The following ABTB2 variants were observed in gnomAD, a reference collection of about 807,000 sequenced individuals.
ABTB2 encodes the protein ankyrin repeat and BTB/POZ domain-containing protein 2.
In ABTB2, 56 loss-of-function variants were observed where a neutral mutation model predicts 104.1. That is an observed-to-expected ratio of 0.54 (90% CI 0.43 to 0.67). ABTB2 has a LOEUF of 0.67. Among genes scored for constraint, ABTB2 ranks in the 30% least tolerant of loss-of-function variants. ABTB2 has a pLI of 0.00. For synonymous variants in ABTB2, 606 were observed against 608.2 expected (o/e 1.00, Z 0.05); for missense variants, 1,279 against 1,407.7 (o/e 0.91, Z 1.46).
intron 1 of ABTB2, among the ~76,000 whole-genome samples, chr11:34,323,266 G>T (rs915676995): frequency 6.6e-6 from 1 of 152,158 alleles, no homozygotes; most frequent in Non-Finnish European, 1.5e-5. Context: ...ATGTCATGAT[G>T]TCTGGGATTT....
chr11:34,330,984 A>G (rs1427921644), intron 1 of ABTB2, among the ~76,000 whole-genome samples: 1 of 152,194 alleles, frequency 6.6e-6, no homozygotes, highest in Non-Finnish European at 1.5e-5. Flanking sequence ...ATGAATGAGA[A>G]ATTTCAGTTG....
At chr11:34,348,032 T>C (rs551862542) in intron 1 of ABTB2, among the ~76,000 whole-genome samples, 18 of 152,362 alleles carry the variant, frequency 1.2e-4, no homozygotes, top group African/African-American at 4.3e-4. Context: ...TGCTTTGGCC[T>C]GTAATGCTAC....
intron 1 of ABTB2, among the ~76,000 whole-genome samples, chr11:34,309,211 T>C (rs1438361911): frequency 2.6e-5 from 4 of 152,236 alleles, no homozygotes. Context: ...CACTGTCAGT[T>C]GATACCATTG....
chr11:34,342,482 A>T (rs1442892488), intron 1 of ABTB2, among the ~76,000 whole-genome samples: 2 of 152,178 alleles, frequency 1.3e-5, no homozygotes, highest in African/African-American at 4.8e-5. Flanking sequence ...CCACAGGGCA[A>T]ATGAGGACTT....
In ABTB2 at chr11:34,251,974, C is replaced by T. The variant is rs532754270; in HGVS notation, c.884-47284G>A. 1.3e-4 allele frequency among the ~76,000 whole-genome samples: 20 copies of T among 152,328 alleles called. No individual in the cohort carries two copies. In the South Asian group the frequency reaches 1.4e-3, roughly 11 times the overall value. ...TCACCCAGTCCCATCCTGGGAGTCA[C>T]AGTGTTTAGGGCACTCAGGGATCTA... On this transcript the variant is annotated intron_variant, in intron 1 of 16. Coordinates refer to ENST00000435224, the MANE Select transcript of ABTB2 (RefSeq NM_145804.3).
At chr11:34,289,989 T>C (rs550078508) in intron 1 of ABTB2, among the ~76,000 whole-genome samples, 1 of 152,372 alleles carries the variant, frequency 6.6e-6, no homozygotes, top group South Asian at 2.1e-4. Context: ...AGTTGTCTTC[T>C]ACAATTTCCA....
chr11:34,154,656 C>G lies in ABTB2; in HGVS notation c.2766+45G>C, dbSNP rs539227643. 16 of 1,601,326 alleles carry G rather than the reference C, an allele frequency of 1.0e-5. No homozygotes were observed. The East Asian group carries it at 3.6e-4, about 36-fold the overall frequency. On this transcript the variant is annotated intron_variant, in intron 15 of 16. Transcript: ENST00000435224. This position sits in a 1 kb window ranked among gnomAD's most constrained non-coding sequence, Gnocchi z 4.9. ...AGGGGGTGAATGGGAGACCGAGCCG[C>G]TGGGCACCCTAGCCCAGGCCCCCTC...
chr11:34,293,557 T>A lies in ABTB2; in HGVS notation c.883+63144A>T, dbSNP rs546792643. On this transcript the variant is annotated intron_variant, in intron 1 of 16. Coordinates refer to ENST00000435224, the MANE Select transcript of ABTB2 (RefSeq NM_145804.3). ...GGAAAGATGAGAATCAAGGGTGTCA[T>A]GCCCCAGGCGCCAAGTGCAGGAACT... is the stretch of plus-strand genomic sequence containing the variant. Among the ~76,000 whole-genome samples, 3 of 152,262 alleles carry A rather than the reference T, an allele frequency of 2.0e-5. No individual in the cohort carries two copies. In the South Asian group the frequency reaches 6.2e-4, roughly 32 times the overall value.
intron 1 of ABTB2, among the ~76,000 whole-genome samples, chr11:34,243,002 C>A (rs140399035): frequency 1.6e-3 from 237 of 152,204 alleles, no homozygotes; most frequent in Non-Finnish European, 2.9e-3. Flanking sequence ...AGGACCTCTC[C>A]CCTCCACAGC....
At chr11:34,186,770 C>T (rs1355380464) in intron 3 of ABTB2, among the ~76,000 whole-genome samples, 1 of 152,338 alleles carries the variant, frequency 6.6e-6, no homozygotes, top group African/African-American at 2.4e-5. Flanking sequence ...TGGCTCGCTC[C>T]TTCTCGGATG....
At chr11:34,274,722 C>A (rs999119656) in intron 1 of ABTB2, among the ~76,000 whole-genome samples, 3 of 151,978 alleles carry the variant, frequency 2.0e-5, no homozygotes, top group African/African-American at 7.3e-5. Context: ...GGTATGAGGT[C>A]AGACCAATGG....
At chr11:34,353,860 C>T (rs1475882547) in intron 1 of ABTB2, among the ~76,000 whole-genome samples, 1 of 152,204 alleles carries the variant, frequency 6.6e-6, no homozygotes, top group Non-Finnish European at 1.5e-5. Flanking sequence ...ACTCTCCTTC[C>T]CATACGCAGT....
Position 34,165,352 on chromosome 11 carries a change from A to G in ABTB2, c.1760T>C (p.Leu587Pro). 6.3e-7 allele frequency: 1 copy of G among 1,585,410 alleles called. No individual in the cohort carries two copies. Among genetic ancestry groups the G allele is most frequent in the Non-Finnish European group, 8.6e-7 (1 of 1,166,522 alleles). ...LHGHISVVQL[L>P]LDAGAHVEGS... ...CTCGACATGGGCACCAGCATCCAGCAGCAACTGCCAGGGGCACAGAGGAGG... is the reference window on the plus strand; with the variant it reads ...CTCGACATGGGCACCAGCATCCAGCGGCAACTGCCAGGGGCACAGAGGAGG... Residue 587 changes from leucine (L) to proline (P), a missense_variant, in exon 8 of 17, where the codon CTG becomes CCG. By Grantham distance (98) the Leu-to-Pro change is moderately conservative (BLOSUM62 -3). Coordinates refer to ENST00000435224, the MANE Select transcript of ABTB2 (RefSeq NM_145804.3).
chr11:34,207,198 C>T (rs1853419732), intron 1 of ABTB2, among the ~76,000 whole-genome samples: 1 of 152,256 alleles, frequency 6.6e-6, no homozygotes, highest in Non-Finnish European at 1.5e-5. Flanking sequence ...CTGACTCCTC[C>T]TCCTTTCTCC....
intron 1 of ABTB2, among the ~76,000 whole-genome samples, chr11:34,303,985 A>G (rs1423537775): frequency 1.3e-5 from 2 of 152,074 alleles, no homozygotes; most frequent in African/African-American, 4.8e-5. Context: ...CCTGAGGTCA[A>G]CTATGGTCTG....
rs201346241 is a variant in ABTB2, at chr11:34,258,940, C to CA, written c.884-54251_884-54250insT. 6.0e-3 allele frequency among the ~76,000 whole-genome samples: 911 copies of CA among 151,722 alleles called. 9 individuals carry two copies. The highest frequency in any genetic ancestry group is 0.017 in the African/African-American group (707 of 41,460). On this transcript the variant is annotated intron_variant, in intron 1 of 16. Coordinates refer to ENST00000435224, the MANE Select transcript of ABTB2 (RefSeq NM_145804.3). ...TTGTTAGGGAAGTGTAGTACATATG[C>CA]GTGTGGTAGTGGTGGGGCATATCAC...
chr11:34,257,852 C>T (rs1854142429), intron 1 of ABTB2, among the ~76,000 whole-genome samples: 1 of 152,058 alleles, frequency 6.6e-6, no homozygotes. Context: ...ACCTACCTCA[C>T]CCTCCCAAAG....
At chr11:34,263,539 G>A (rs760257769) in intron 1 of ABTB2, among the ~76,000 whole-genome samples, 26 of 152,234 alleles carry the variant, frequency 1.7e-4, no homozygotes, top group Non-Finnish European at 2.8e-4. Flanking sequence ...CACAGGCCCA[G>A]GTAGCCAAAG....
At chr11:34,163,588 G>A (rs1852753313) in intron 9 of ABTB2, among the ~76,000 whole-genome samples, 2 of 152,204 alleles carry the variant, frequency 1.3e-5, no homozygotes, top group Admixed American at 1.3e-4. Context: ...TGCAGCATGG[G>A]TGGTGCTGCA....
Sources: gnomAD v4.1 joint callset for allele counts (sites outside exome capture counted in the v4.1 genomes callset) on GRCh38, gnomAD v4.1.1 for gene constraint, Gnocchi (gnomAD v3.1) non-coding constraint, MANE v1.5 for transcripts, NCBI Gene and HGNC (gene_info 2026-07-23, HGNC 2026-07-21) for gene names.